Variants in VPS35L observed in about 807,000 individuals in gnomAD.
VPS35L encodes VPS35 endosomal protein sorting factor like.
Under a neutral mutation model 133.0 loss-of-function variants are expected in VPS35L, and 83 were observed. The observed-to-expected ratio is 0.62, with a 90% confidence interval of 0.52 to 0.75. The LOEUF is 0.75. VPS35L is among the 30% of genes least tolerant of loss of function. VPS35L has a pLI of 0.00. For missense variants in VPS35L, 1,083 were observed against 1,206.8 expected (o/e 0.90, Z 1.52); for synonymous variants, 423 against 449.9 (o/e 0.94, Z 0.76).
At chr16:19,695,132 GT>G (rs1190738420) in intron 29 of VPS35L, among the ~76,000 whole-genome samples, 1 of 152,210 alleles carries the variant, frequency 6.6e-6, no homozygotes, top group African/African-American at 2.4e-5. Context: ...GAAACCATTG[GT>G]TCTGGCTCCG....
chr16:19,692,532 C>T (rs543197837), intron 29 of VPS35L, among the ~76,000 whole-genome samples: 1 of 152,084 alleles, frequency 6.6e-6, no homozygotes, highest in Non-Finnish European at 1.5e-5. Context: ...CATTGCCCTC[C>T]TCAACCAAGG....
intron 8 of VPS35L, among the ~76,000 whole-genome samples, chr16:19,597,733 A>C (rs1382488160): frequency 1.3e-5 from 2 of 152,194 alleles, no homozygotes; most frequent in Non-Finnish European, 2.9e-5. Context: ...CTGTTGAGGC[A>C]GCCTGCATGG....
intron 7 of VPS35L, among the ~76,000 whole-genome samples, 164 bp from the exon 8 acceptor site, chr16:19,591,624 GCA>G (rs1021321430): frequency 6.6e-6 from 1 of 152,080 alleles, no homozygotes; most frequent in African/African-American, 2.4e-5. Flanking sequence ...TCTGTGAAAA[GCA>G]CAGTGGTTTA....
At chr16:19,562,728 C>A (rs1971065621) in intron 1 of VPS35L, among the ~76,000 whole-genome samples, 1 of 151,950 alleles carries the variant, frequency 6.6e-6, no homozygotes, top group Non-Finnish European at 1.5e-5. Context: ...TCTGCCTTCC[C>A]CCCACTCCTG....
At chr16:19,625,894 G>A (rs7197584) in intron 14 of VPS35L, among the ~76,000 whole-genome samples, 44,767 of 151,828 alleles carry the variant, frequency 0.29, 6,765 homozygotes, top group Middle Eastern at 0.34. Flanking sequence ...GACTAGTCTC[G>A]AGCTCTTGAC....
rs1239006364 is a variant in VPS35L at position 19,669,064 on chromosome 16, C to G, written c.2222-96C>G. 3.7e-6 allele frequency: 5 copies of G among 1,343,912 alleles called. No individual in the cohort carries two copies. In the African/African-American group the frequency reaches 7.3e-5, roughly 20 times the overall value. 83.2% of individuals were successfully genotyped at this position (1,343,912 alleles called of 1,614,324 possible). A position where few individuals can be genotyped will look rare whatever the true frequency, so the allele number is the denominator to read the frequency against. On this transcript the variant is annotated intron_variant, in intron 26 of 30. Transcript: ENST00000417362. ...GCCCTCGGCATGGCCTGGCTTCTAC[C>G]TAACTCTCAGGACTGGCCTTCAGGC...
intron 27 of VPS35L, among the ~76,000 whole-genome samples, chr16:19,678,186 T>TC (rs1176171553): frequency 2.0e-5 from 3 of 152,180 alleles, no homozygotes; most frequent in Admixed American, 1.3e-4. Flanking sequence ...AATACTTTTT[T>TC]CCCAAGGGGT....
rs778699468 is a variant in VPS35L at position 19,564,895 on chromosome 16, G to T, written c.62G>T (p.Arg21Leu). ...TACAAAGCTGAATTTGCATCATGCC[G>T]ACTGGAGGCTGTACCATTGGAGTTT... ...RNYKAEFASC[R>L]LEAVPLEFGD... Residue 21 changes from arginine to leucine, a missense_variant, in exon 2 of 31, where the codon CGA (arginine) becomes CTA (leucine). Transcript: ENST00000417362. 1 of 1,613,484 alleles carries T rather than the reference G, an allele frequency of 6.2e-7. No homozygotes were observed.
intron 26 of VPS35L, among the ~76,000 whole-genome samples, chr16:19,657,110 C>T (rs777173916): frequency 6.6e-5 from 10 of 151,902 alleles, no homozygotes; most frequent in South Asian, 2.1e-4. Flanking sequence ...GGACTACAGG[C>T]GTGCACCACC....
chr16:19,637,959 C>G (rs1210011855), intron 20 of VPS35L, among the ~76,000 whole-genome samples: 4 of 152,248 alleles, frequency 2.6e-5, no homozygotes, highest in African/African-American at 7.2e-5. Context: ...ACAGCCTTCT[C>G]TTACTTTGCT....
Position 19,669,160 on chromosome 16 carries a change from C to G in VPS35L, c.2222C>G (p.Ala741Gly). 6.2e-7 allele frequency: 1 copy of G among 1,602,044 alleles called. No individual in the cohort carries two copies. The highest frequency in any genetic ancestry group is 1.1e-5 in the South Asian group (1 of 89,722). The part of the protein sequence containing the change: ...VALANQCLSQ[A>G]DAFFKAAISL... ...CTGACTTTTATCTTCTGTCTTGCAG[C>G]TGATGCTTTTTTCAAAGCCGCTATA... Residue 741 changes from alanine (A) to glycine (G), a missense_variant and splice_region_variant, in exon 27 of 31, where the codon GCT (alanine) becomes GGT (glycine). By Grantham distance (60) the Ala-to-Gly change is moderately conservative. Coordinates refer to ENST00000417362, the MANE Select transcript of VPS35L (RefSeq NM_020314.7).
chr16:19,606,022 G>T (rs1367858679), intron 9 of VPS35L, among the ~76,000 whole-genome samples: 2 of 152,216 alleles, frequency 1.3e-5, no homozygotes, highest in African/African-American at 4.8e-5. Context: ...AAAGTCCCAC[G>T]TAACATAATC....
chr16:19,610,250 T>A (rs918651282), intron 11 of VPS35L, 72 bp from the exon 12 acceptor site: 18 of 1,316,658 alleles, frequency 1.4e-5, no homozygotes, highest in Non-Finnish European at 1.9e-5. Context: ...AGTCTTTATC[T>A]TTATTTAAAA....
At chr16:19,638,427 G>A (rs1426698023) in intron 20 of VPS35L, among the ~76,000 whole-genome samples, 1 of 152,180 alleles carries the variant, frequency 6.6e-6, no homozygotes, top group African/African-American at 2.4e-5. Context: ...ACTCCCAGGA[G>A]TTGCCTGAAA....
At chr16:19,676,076 A>T (rs1177620181) in intron 27 of VPS35L, among the ~76,000 whole-genome samples, 1 of 151,718 alleles carries the variant, frequency 6.6e-6, no homozygotes, top group Non-Finnish European at 1.5e-5. Flanking sequence ...ATGTAGCAAA[A>T]CCCCATTTCT....
Position 19,668,591 on chromosome 16 carries a change from A to AGTGTGTGTGTGTGTGT in VPS35L, c.2222-555_2222-540dup, listed in dbSNP as rs35546511. On this transcript the variant is annotated intron_variant, in intron 26 of 30. Transcript: ENST00000417362. The stretch of plus-strand genomic sequence containing the variant: ...ATGTTAATCAGAAGCCTTTAAGCTG[A>AGTGTGTGTGTGTGTGT]GTGTGTGTGTGTGTGTGTGTGTGTG... Among the ~76,000 whole-genome samples, 319 of 147,490 alleles carry AGTGTGTGTGTGTGTGT rather than the reference A, an allele frequency of 2.2e-3. 1 individual carries two copies. Among genetic ancestry groups the AGTGTGTGTGTGTGTGT allele is most frequent in the East Asian group, 0.016 (81 of 4,984 alleles).
intron 19 of VPS35L, among the ~76,000 whole-genome samples, chr16:19,635,848 A>T (rs1238159921): frequency 6.6e-6 from 1 of 152,214 alleles, no homozygotes; most frequent in Non-Finnish European, 1.5e-5. Context: ...AGTTCTCAGT[A>T]CTATTCTCTC....
rs759595057 is a variant in VPS35L, at chr16:19,581,566, C to T, written c.552C>T (p.Tyr184=). The T allele has an allele frequency of 3.7e-6, 6 of 1,612,962 alleles. No homozygotes were observed. Among genetic ancestry groups the T allele is most frequent in the East Asian group, 4.5e-5 (2 of 44,826 alleles). The change falls in exon 7 of 31, where the codon TAC becomes TAT. Residue 184 remains tyrosine, a synonymous_variant. Coordinates refer to ENST00000417362, the MANE Select transcript of VPS35L (RefSeq NM_020314.7). ...TGTTGAACTTGACTCAGCAGGATTA[C>T]GTGAACCGCATAGAGGAGCTCAACC... The part of the protein sequence containing the change: ...KELLNLTQQD[Y]VNRIEELNQS...
At chr16:19,678,244 A>G (rs1361833356) in intron 27 of VPS35L, among the ~76,000 whole-genome samples, 1 of 152,066 alleles carries the variant, frequency 6.6e-6, no homozygotes, top group Non-Finnish European at 1.5e-5. Flanking sequence ...GATATTGCTG[A>G]TGTGGTAGGT....
Sources: allele counts gnomAD v4.1 joint callset (sites outside exome capture counted in the v4.1 genomes callset), GRCh38; gene constraint gnomAD v4.1.1; transcripts MANE v1.5; gene names NCBI Gene and HGNC (gene_info 2026-07-23, HGNC 2026-07-21).